KHDRBS2: variants seen among roughly 807,000 people sequenced by gnomAD.
KHDRBS2 encodes the protein KH RNA binding domain containing, signal transduction associated 2, also known as KH domain-containing, RNA-binding, signal transduction-associated protein 2.
KHDRBS2 carries 26 observed loss-of-function variants against 44.3 expected under a neutral mutation model. The observed-to-expected ratio is 0.59, with a 90% CI of 0.43 to 0.81. The LOEUF (loss-of-function observed/expected upper bound fraction) is 0.81, where lower values mean the gene tolerates loss of function less well. Among genes scored for constraint, KHDRBS2 ranks in the 40% least tolerant of loss-of-function variants. The pLI is 0.00. For synonymous variants in KHDRBS2, 194 were observed against 151.1 expected (o/e 1.28, Z -2.08); for missense variants, 476 against 433.1 (o/e 1.10, Z -0.88).
intron 7 of KHDRBS2, among the ~76,000 whole-genome samples, chr6:61,718,846 T>C (rs533362783): frequency 7.3e-4 from 111 of 152,224 alleles, no homozygotes; most frequent in African/African-American, 2.4e-3. Flanking sequence ...CTGAAAATAG[T>C]TCCCTGGTTA....
intron 4 of KHDRBS2, among the ~76,000 whole-genome samples, chr6:61,934,833 A>C (rs1463367458): frequency 6.6e-6 from 1 of 152,182 alleles, no homozygotes; most frequent in Admixed American, 6.5e-5. Context: ...ACAGGGATGT[A>C]AAAACAGACA....
intron 3 of KHDRBS2, among the ~76,000 whole-genome samples, chr6:62,045,137 C>T (rs918094178): frequency 4.6e-5 from 7 of 151,862 alleles, no homozygotes; most frequent in African/African-American, 1.7e-4. Flanking sequence ...ACAAGAGGAT[C>T]CAGTCACAGA....
At chr6:62,199,672 G>T (rs1000366619) in intron 1 of KHDRBS2, among the ~76,000 whole-genome samples, 10 of 152,170 alleles carry the variant, frequency 6.6e-5, no homozygotes, top group Non-Finnish European at 8.8e-5. Flanking sequence ...AGGTAATTTA[G>T]AGATTCAATG....
chr6:61,926,944 G>A (rs1235278543), intron 4 of KHDRBS2, among the ~76,000 whole-genome samples: 1 of 151,752 alleles, frequency 6.6e-6, no homozygotes, highest in Non-Finnish European at 1.5e-5. Context: ...CTTTGGGGAA[G>A]ATTTCAAATA....
chr6:62,191,434 G>T (rs1237495636), intron 1 of KHDRBS2, among the ~76,000 whole-genome samples: 1 of 152,018 alleles, frequency 6.6e-6, no homozygotes, highest in Admixed American at 6.6e-5. Context: ...TTGCATGACT[G>T]CCCCATCCCA....
At chr6:61,619,940 G>A in the KHDRBS2 span, among the ~76,000 whole-genome samples, 2,048 of 152,168 alleles carry the variant, frequency 0.013, 47 homozygotes, top group African/African-American at 0.047. Context: ...ATCAAAGTCT[G>A]TTATTATGCA....
intron 6 of KHDRBS2, among the ~76,000 whole-genome samples, chr6:61,880,682 C>T (rs1219772757): frequency 6.6e-6 from 1 of 151,750 alleles, no homozygotes; most frequent in Non-Finnish European, 1.5e-5. Context: ...ACTTTTTAAC[C>T]AACTAAATCC....
intron 7 of KHDRBS2, among the ~76,000 whole-genome samples, chr6:61,709,162 G>A (rs1227758280): frequency 1.3e-5 from 2 of 151,554 alleles, no homozygotes; most frequent in African/African-American, 4.8e-5. Flanking sequence ...TAGAAGCAAA[G>A]CTTCTCTTTT....
chr6:62,094,649 T>C (rs1483065062), intron 2 of KHDRBS2, among the ~76,000 whole-genome samples: 1 of 152,066 alleles, frequency 6.6e-6, no homozygotes. Context: ...GCCAATGTCA[T>C]GGAGCTTTCC....
chr6:61,995,640 C>T (rs1315515528), intron 3 of KHDRBS2, among the ~76,000 whole-genome samples: 2 of 152,074 alleles, frequency 1.3e-5, no homozygotes, highest in Non-Finnish European at 2.9e-5. Flanking sequence ...GTGCAAAAGT[C>T]AGGGTGAGTC....
At chr6:62,052,035 T>G (rs1341016562) in intron 2 of KHDRBS2, among the ~76,000 whole-genome samples, 1 of 151,272 alleles carries the variant, frequency 6.6e-6, no homozygotes, top group African/African-American at 2.5e-5. Flanking sequence ...AGACTGCCCA[T>G]GGGAATGTAG....
intron 6 of KHDRBS2, among the ~76,000 whole-genome samples, chr6:61,832,331 C>A (rs963418089): frequency 7.2e-5 from 11 of 152,060 alleles, no homozygotes; most frequent in African/African-American, 2.7e-4. Flanking sequence ...GAAACAAGGC[C>A]ACCTAATCAT....
chr6:61,774,992 C>A (rs1433758071), intron 6 of KHDRBS2, among the ~76,000 whole-genome samples: 2 of 152,052 alleles, frequency 1.3e-5, no homozygotes, highest in Non-Finnish European at 2.9e-5. Context: ...TCAACATACA[C>A]AAATCAATAA....
intron 2 of KHDRBS2, among the ~76,000 whole-genome samples, chr6:62,065,707 G>A (rs1164167353): frequency 1.9e-4 from 28 of 147,900 alleles, no homozygotes; most frequent in Non-Finnish European, 3.3e-4. Flanking sequence ...TGGGTGCAGC[G>A]CACCAGCATG....
intron 6 of KHDRBS2, among the ~76,000 whole-genome samples, chr6:61,740,077 CA>C (rs1775928283): frequency 6.6e-6 from 1 of 151,698 alleles, no homozygotes; most frequent in South Asian, 2.1e-4. Flanking sequence ...ATTGAGATAC[CA>C]AAGAAAGCAC....
intron 1 of KHDRBS2, among the ~76,000 whole-genome samples, chr6:62,183,686 TG>T (rs1822830387): frequency 6.6e-6 from 1 of 151,614 alleles, no homozygotes; most frequent in African/African-American, 2.4e-5. Context: ...AATTTTAGAA[TG>T]TATTTAATGA....
chr6:61,935,221 A>G (rs986980013), intron 4 of KHDRBS2, among the ~76,000 whole-genome samples: 7 of 152,204 alleles, frequency 4.6e-5, no homozygotes, highest in African/African-American at 1.4e-4. Context: ...GTTCCCTAAG[A>G]GATAGCATCC....
intron 6 of KHDRBS2, among the ~76,000 whole-genome samples, chr6:61,747,832 G>A (rs943405027): frequency 3.3e-5 from 5 of 152,108 alleles, no homozygotes; most frequent in Non-Finnish European, 7.4e-5. Context: ...TCTTAGTCAT[G>A]ACAGAATTAC....
At chr6:61,930,815 T>C (rs1809904959) in intron 4 of KHDRBS2, among the ~76,000 whole-genome samples, 2 of 152,054 alleles carry the variant, frequency 1.3e-5, no homozygotes, top group African/African-American at 4.8e-5. Flanking sequence ...CTAAGCAACT[T>C]AGTTCATGAG....
Sources: gnomAD v4.1 joint callset for allele counts (sites outside exome capture counted in the v4.1 genomes callset) on GRCh38, gnomAD v4.1.1 for gene constraint, MANE v1.5 for transcripts, NCBI Gene and HGNC (gene_info 2026-07-23, HGNC 2026-07-21) for gene names.